The following CMIP variants were observed in gnomAD, a reference collection of about 807,000 sequenced individuals.
The protein encoded by CMIP is c-Maf inducing protein, also known as C-Maf-inducing protein.
CMIP carries 13 observed loss-of-function variants against 97.3 expected under a neutral mutation model. The ratio of observed to expected loss-of-function variants is 0.13; its 90% CI spans 0.09 to 0.21. CMIP has a LOEUF of 0.21. CMIP is among the 10% of genes least tolerant of loss of function. The pLI, the probability that CMIP is intolerant of heterozygous loss-of-function variation, is 1.00. For synonymous variants in CMIP, 538 were observed against 436.3 expected (o/e 1.23, Z -2.91); for missense variants, 847 against 1,024.9 (o/e 0.83, Z 2.37).
At chr16:81,699,912 G>T in intron 15 of CMIP, 111 bp downstream of exon 15, 1 of 697,648 alleles carries the variant, frequency 1.4e-6, no homozygotes. Flanking sequence ...GGGGGCAGTG[G>T]GTGAGGCGTG....
intron 1 of CMIP, among the ~76,000 whole-genome samples, chr16:81,524,225 T>G (rs1380322642): frequency 6.6e-6 from 1 of 152,194 alleles, no homozygotes; most frequent in Non-Finnish European, 1.5e-5. Context: ...CAGAGCTGGA[T>G]TCTCTCAATT....
intron 3 of CMIP, among the ~76,000 whole-genome samples, chr16:81,644,917 T>TCA (rs2092346624): frequency 6.6e-6 from 1 of 152,120 alleles, no homozygotes; most frequent in Non-Finnish European, 1.5e-5. Context: ...ATACTAGACC[T>TCA]CAGCATCGAT....
chr16:81,696,928 ACATGT>A, intron 14 of CMIP: 1 of 535,946 alleles, frequency 1.9e-6, no homozygotes, highest in South Asian at 2.3e-5. Flanking sequence ...AGAAGACGAC[ACATGT>A]CATTGCCCCA....
chr16:81,551,758 G>A (rs185514136), intron 1 of CMIP, among the ~76,000 whole-genome samples: 21 of 152,352 alleles, frequency 1.4e-4, no homozygotes, highest in South Asian at 2.1e-4. Flanking sequence ...TGTGTCCAAG[G>A]TGGCCTCTGC....
At chr16:81,669,961 G>A (rs1057512157) in intron 7 of CMIP, among the ~76,000 whole-genome samples, 181 bp from the exon 8 acceptor site, 1 of 152,230 alleles carries the variant, frequency 6.6e-6, no homozygotes, top group African/African-American at 2.4e-5. Flanking sequence ...GGGTGTCGCA[G>A]TGCTATTCTT....
intron 5 of CMIP, among the ~76,000 whole-genome samples, chr16:81,660,390 A>G (rs1250673027): frequency 6.6e-6 from 1 of 151,732 alleles, no homozygotes; most frequent in Non-Finnish European, 1.5e-5. Context: ...CTCCTGCCTC[A>G]GCCTCCCGAG....
intron 1 of CMIP, among the ~76,000 whole-genome samples, chr16:81,592,757 G>A (rs1216457365): frequency 6.6e-6 from 1 of 152,176 alleles, no homozygotes; most frequent in Non-Finnish European, 1.5e-5. Flanking sequence ...TCTTAGCAGT[G>A]CCCCTTTCCC....
At chr16:81,473,764 T>C (rs1356752683) in intron 1 of CMIP, among the ~76,000 whole-genome samples, 3 of 150,484 alleles carry the variant, frequency 2.0e-5, no homozygotes, top group East Asian at 1.9e-4. Flanking sequence ...GGATGACCCA[T>C]GGGCCAAGTC....
chr16:81,566,039 A>G (rs952125837), intron 1 of CMIP, among the ~76,000 whole-genome samples: 3 of 151,930 alleles, frequency 2.0e-5, no homozygotes, highest in African/African-American at 7.3e-5. Flanking sequence ...TGGTTCTTTG[A>G]GGCTGAAATT....
intron 1 of CMIP, among the ~76,000 whole-genome samples, chr16:81,506,565 C>T (rs952997297): frequency 6.6e-6 from 1 of 152,202 alleles, no homozygotes; most frequent in Non-Finnish European, 1.5e-5. Flanking sequence ...AGAACAGAAG[C>T]TTGATTGGGG....
At chr16:81,588,786 C>T (rs764112613) in intron 1 of CMIP, among the ~76,000 whole-genome samples, 1 of 152,148 alleles carries the variant, frequency 6.6e-6, no homozygotes, top group Admixed American at 6.5e-5. Flanking sequence ...GTGCTGTACA[C>T]GCTGACATTC....
intron 1 of CMIP, among the ~76,000 whole-genome samples, chr16:81,454,109 G>A (rs1906401454): frequency 6.6e-6 from 1 of 152,148 alleles, no homozygotes; most frequent in East Asian, 1.9e-4. Context: ...GGGGCATTTC[G>A]GCCAAGCTTG....
At chr16:81,634,327 A>G (rs2092206383) in intron 3 of CMIP, among the ~76,000 whole-genome samples, 1 of 152,212 alleles carries the variant, frequency 6.6e-6, no homozygotes, top group Admixed American at 6.5e-5. Flanking sequence ...TTGTATGAAC[A>G]CGAGTCTGAC....
intron 1 of CMIP, among the ~76,000 whole-genome samples, chr16:81,508,943 A>G (rs935835304): frequency 6.6e-6 from 1 of 152,238 alleles, no homozygotes; most frequent in East Asian, 1.9e-4. Context: ...CTTGCCTGCC[A>G]TTCCTTTGCT....
intron 1 of CMIP, among the ~76,000 whole-genome samples, chr16:81,499,074 G>T (rs896019029): frequency 5.3e-5 from 8 of 152,314 alleles, no homozygotes; most frequent in South Asian, 4.1e-4. Context: ...CTGAGGTGTA[G>T]AGCAGTTAGA....
chr16:81,574,066 T>C (rs2091145349), intron 1 of CMIP, among the ~76,000 whole-genome samples: 1 of 152,226 alleles, frequency 6.6e-6, no homozygotes, highest in African/African-American at 2.4e-5. Context: ...TAAATTAAAC[T>C]TAAGAATTCA....
intron 1 of CMIP, among the ~76,000 whole-genome samples, chr16:81,544,725 ATG>A (rs1241806443): frequency 1.3e-5 from 2 of 149,104 alleles, no homozygotes; most frequent in Non-Finnish European, 3.0e-5. Context: ...TTGTGTGTAT[ATG>A]TGCATGTGTG....
chr16:81,705,194 A>C (rs1318855661), intron 18 of CMIP, among the ~76,000 whole-genome samples: 1 of 152,132 alleles, frequency 6.6e-6, no homozygotes, highest in East Asian at 1.9e-4. Context: ...GGAGAAAGCC[A>C]CCTAGGCAGC....
At chr16:81,656,868 C>G (rs542348354) in intron 4 of CMIP, among the ~76,000 whole-genome samples, 1 of 152,166 alleles carries the variant, frequency 6.6e-6, no homozygotes, top group African/African-American at 2.4e-5. Flanking sequence ...GCAATCCACA[C>G]TCCTCAGCCT....
Sources: allele counts gnomAD v4.1 joint callset (sites outside exome capture counted in the v4.1 genomes callset), GRCh38; gene constraint gnomAD v4.1.1; transcripts MANE v1.5; gene names NCBI Gene and HGNC (gene_info 2026-07-23, HGNC 2026-07-21).